The following ZNF521 variants were observed in gnomAD, a reference collection of about 807,000 sequenced individuals.
ZNF521 encodes LYST-interacting protein 3.
A neutral mutation model predicts 105.5 loss-of-function variants in ZNF521; 14 were observed. That is an observed-to-expected ratio of 0.13 (90% confidence interval 0.09 to 0.21). The LOEUF (loss-of-function observed/expected upper bound fraction) is 0.21, where lower values mean the gene tolerates loss of function less well. ZNF521 is among the 10% of genes least tolerant of loss of function. The probability of loss-of-function intolerance (pLI) is 1.00; values close to 1 mark genes in which losing one functional copy is unlikely to be tolerated. For missense variants in ZNF521, 1,233 were observed against 1,629.7 expected, an observed-to-expected ratio of 0.76 and a Z score of 4.19; for synonymous variants, 635 against 606.0, an observed-to-expected ratio of 1.05 and a Z score of -0.70.
At chr18:25,260,965 G>A (rs1415812820) in intron 3 of ZNF521, among the ~76,000 whole-genome samples, 1 of 152,076 alleles carries the variant, frequency 6.6e-6, no homozygotes, top group African/African-American at 2.4e-5. Context: ...AGTAAAATAC[G>A]AAAACCTGGA....
intron 3 of ZNF521, among the ~76,000 whole-genome samples, chr18:25,244,082 T>C (rs1600204887): frequency 6.6e-6 from 1 of 152,152 alleles, no homozygotes. Flanking sequence ...AGCTGAGTCC[T>C]TGCCATAGTC....
At chr18:25,322,549 A>T (rs976431195) in intron 2 of ZNF521, among the ~76,000 whole-genome samples, 1 of 150,290 alleles carries the variant, frequency 6.7e-6, no homozygotes, top group Non-Finnish European at 1.5e-5. Context: ...AAAAAAAAAA[A>T]AAAACCCCCC....
chr18:25,255,832 G>A (rs549110535), intron 3 of ZNF521, among the ~76,000 whole-genome samples: 1 of 152,040 alleles, frequency 6.6e-6, no homozygotes, highest in South Asian at 2.1e-4. Flanking sequence ...GAGACAGTAT[G>A]TGCATGTCCA....
At chr18:25,234,735 G>C (rs1001779337) in intron 3 of ZNF521, among the ~76,000 whole-genome samples, 3 of 152,088 alleles carry the variant, frequency 2.0e-5, no homozygotes, top group African/African-American at 7.2e-5. Context: ...ATAAATGTGA[G>C]AACAGCAGAA....
At chr18:25,208,274 T>C (rs2036117704) in intron 4 of ZNF521, among the ~76,000 whole-genome samples, 1 of 152,250 alleles carries the variant, frequency 6.6e-6, no homozygotes, top group Non-Finnish European at 1.5e-5. Flanking sequence ...GTTTGCCTTT[T>C]GTGCCCAACG....
At chr18:25,139,375 A>AAAG (rs1318554285) in intron 5 of ZNF521, among the ~76,000 whole-genome samples, 38 of 30,614 alleles carry the variant, frequency 1.2e-3, no homozygotes, top group African/African-American at 4.0e-3. Flanking sequence ...TCTGTCTCAA[A>AAAG]AAAAAAAAAA....
intron 5 of ZNF521, among the ~76,000 whole-genome samples, chr18:25,117,050 T>C (rs1396391792): frequency 4.9e-5 from 2 of 41,132 alleles, no homozygotes; most frequent in Admixed American, 4.3e-4. Flanking sequence ...CACACACATA[T>C]ATATACACAC....
intron 2 of ZNF521, among the ~76,000 whole-genome samples, chr18:25,349,780 C>A (rs1363549798): frequency 6.7e-6 from 1 of 150,344 alleles, no homozygotes; most frequent in Non-Finnish European, 1.5e-5. Context: ...CTCGGCGGGA[C>A]CCAGCGGGCC....
intron 5 of ZNF521, among the ~76,000 whole-genome samples, chr18:25,135,612 C>T (rs1387445543): frequency 6.6e-6 from 1 of 152,114 alleles, no homozygotes; most frequent in African/African-American, 2.4e-5. Flanking sequence ...TACTCAGCTC[C>T]CGTCACTAAT....
chr18:25,146,571 A>G (rs973208826), intron 5 of ZNF521, among the ~76,000 whole-genome samples: 3 of 152,146 alleles, frequency 2.0e-5, no homozygotes, highest in African/African-American at 7.2e-5. Context: ...TCTGCTTTTC[A>G]AAAAAAGCCC....
chr18:25,166,196 C>T (rs187237556), intron 5 of ZNF521, among the ~76,000 whole-genome samples: 25 of 152,240 alleles, frequency 1.6e-4, no homozygotes, highest in African/African-American at 6.0e-4. Context: ...TTTTTCTACT[C>T]TTTTTAATGA....
intron 4 of ZNF521, among the ~76,000 whole-genome samples, chr18:25,207,134 A>C (rs536575783): frequency 7.0e-4 from 106 of 152,292 alleles, no homozygotes; most frequent in African/African-American, 2.5e-3. Flanking sequence ...CCAAGCTTAT[A>C]TAGGGTATTG....
intron 5 of ZNF521, among the ~76,000 whole-genome samples, chr18:25,124,582 C>T (rs2034504313): frequency 6.6e-6 from 1 of 152,078 alleles, no homozygotes; most frequent in Admixed American, 6.6e-5. Context: ...CTTTTCTTGT[C>T]CTTAACTCTT....
intron 3 of ZNF521, among the ~76,000 whole-genome samples, chr18:25,238,976 T>C (rs944244613): frequency 9.2e-5 from 14 of 152,256 alleles, no homozygotes; most frequent in Admixed American, 7.2e-4. Context: ...ATCACCTAAG[T>C]CCTTGCTTGA....
chr18:25,172,454 T>A (rs2035465243), intron 5 of ZNF521, among the ~76,000 whole-genome samples: 1 of 152,180 alleles, frequency 6.6e-6, no homozygotes, highest in South Asian at 2.1e-4. Flanking sequence ...TTCAAATTAG[T>A]TTCTACTTCA....
intron 2 of ZNF521, among the ~76,000 whole-genome samples, chr18:25,340,525 G>A (rs1424066739): frequency 6.6e-6 from 1 of 152,132 alleles, no homozygotes; most frequent in Non-Finnish European, 1.5e-5. Flanking sequence ...CTTTGATTTT[G>A]TTCCATCAGC....
chr18:25,140,519 G>C (rs1377265460), intron 5 of ZNF521, among the ~76,000 whole-genome samples: 3 of 152,126 alleles, frequency 2.0e-5, no homozygotes, highest in African/African-American at 7.2e-5. Flanking sequence ...GACACCATTG[G>C]CTTTTGTTAA....
Position 25,225,040 on chromosome 18 carries a change from T to G in ZNF521, c.2878A>C (p.Met960Leu), listed in dbSNP as rs1464145330. 1.9e-6 allele frequency: 3 copies of G among 1,614,134 alleles called. No homozygotes were observed. Among genetic ancestry groups the G allele is most frequent in the Admixed American group, 1.7e-5 (1 of 60,022 alleles). The change falls in exon 4 of 8, where the codon ATG (methionine) becomes CTG (leucine). Residue 960 changes from methionine to leucine, a missense_variant. This residue lies in a region of ZNF521 where 614 missense variants were observed against 751.5 expected (regional missense o/e 0.82). Transcript: ENST00000361524. The surrounding 1 kb of genome is among the most constrained non-coding windows in gnomAD (Gnocchi z 5.6). The stretch of plus-strand genomic sequence containing the variant: ...AACCGCTCTCCGCAAATAGGGCACA[T>G]GTAGTGTTTGACAGGGCCTAGGTGG... The part of the protein sequence containing the change: ...QTHLGPVKHY[M>L]CPICGERFPS...
At chr18:25,264,313 T>C (rs1909105877) in intron 3 of ZNF521, among the ~76,000 whole-genome samples, 1 of 152,204 alleles carries the variant, frequency 6.6e-6, no homozygotes, top group Admixed American at 6.5e-5. Flanking sequence ...ACACAGAATT[T>C]TGTCAGTACA....
Sources: gnomAD v4.1 joint callset for allele counts (sites outside exome capture counted in the v4.1 genomes callset) on GRCh38, gnomAD v4.1.1 for gene constraint, gnomAD v4.1.1 regional missense constraint, Gnocchi (gnomAD v3.1) non-coding constraint, MANE v1.5 for transcripts, NCBI Gene and HGNC (gene_info 2026-07-23, HGNC 2026-07-21) for gene names.